EML4: variants seen among roughly 807,000 people sequenced by gnomAD.
EML4 encodes echinoderm microtubule-associated protein-like 4.
EML4 carries 72 observed loss-of-function variants against 129.0 expected under a neutral mutation model. That is an observed-to-expected ratio of 0.56 (90% confidence interval 0.46 to 0.68). EML4 has a LOEUF of 0.68. EML4 is among the 30% of genes least tolerant of loss of function. The pLI is 0.00. For synonymous variants in EML4, 532 were observed against 405.0 expected, an observed-to-expected ratio of 1.31 and a Z score of -3.77; for missense variants, 1,363 against 1,190.6, an observed-to-expected ratio of 1.14 and a Z score of -2.13.
At chr2:42,256,848 TAAAG>T (rs1051834353) in intron 3 of EML4, among the ~76,000 whole-genome samples, 25 of 152,366 alleles carry the variant, frequency 1.6e-4, no homozygotes, top group African/African-American at 6.0e-4. Context: ...CCGTTCTCAC[TAAAG>T]AAAGAAAGCA....
intron 1 of EML4, among the ~76,000 whole-genome samples, chr2:42,215,684 G>A (rs964525619): frequency 1.3e-5 from 2 of 152,054 alleles, no homozygotes; most frequent in African/African-American, 4.8e-5. Context: ...AGTAAGTTGC[G>A]GGTACTCAGA....
intron 19 of EML4, among the ~76,000 whole-genome samples, chr2:42,320,294 GC>G (rs1669453563): frequency 6.6e-6 from 1 of 150,690 alleles, no homozygotes; most frequent in African/African-American, 2.4e-5. Flanking sequence ...TTTGACACCA[GC>G]CTGGGCAATT....
chr2:42,321,213 C>G (rs1229232468), intron 19 of EML4, among the ~76,000 whole-genome samples: 2 of 151,918 alleles, frequency 1.3e-5, no homozygotes, highest in African/African-American at 4.8e-5. Flanking sequence ...GAAACCCCAT[C>G]TCTACTAAAA....
intron 1 of EML4, among the ~76,000 whole-genome samples, chr2:42,218,610 G>A (rs1285417209): frequency 6.6e-6 from 1 of 152,124 alleles, no homozygotes; most frequent in Admixed American, 6.5e-5. Flanking sequence ...AGAGAATACA[G>A]TAGTGGAGGA....
At chr2:42,260,045 T>TA (rs961333338) in intron 3 of EML4, among the ~76,000 whole-genome samples, 1 of 151,206 alleles carries the variant, frequency 6.6e-6, no homozygotes, top group African/African-American at 2.4e-5. Flanking sequence ...TTTTTTTTTT[T>TA]AAAGAGACAG....
At chr2:42,317,115 C>G (rs1395768786) in intron 18 of EML4, among the ~76,000 whole-genome samples, 1 of 152,150 alleles carries the variant, frequency 6.6e-6, no homozygotes, top group African/African-American at 2.4e-5. Flanking sequence ...AACTAAGCCC[C>G]TGTCCACTCA....
At chr2:42,237,138 T>C (rs1472563254) in intron 1 of EML4, among the ~76,000 whole-genome samples, 3 of 152,166 alleles carry the variant, frequency 2.0e-5, no homozygotes, top group Non-Finnish European at 4.4e-5. Context: ...GGATGCCATG[T>C]TGCCCAGGCT....
chr2:42,286,416 C>A (rs1487834420), intron 10 of EML4, 37 bp downstream of exon 10: 3 of 1,256,210 alleles, frequency 2.4e-6, no homozygotes, highest in Admixed American at 1.7e-5. Flanking sequence ...GCAAGCTGAA[C>A]AAAAAAGCAG....
intron 1 of EML4, among the ~76,000 whole-genome samples, chr2:42,184,071 A>C (rs1461776814): frequency 2.0e-5 from 3 of 152,194 alleles, no homozygotes; most frequent in Non-Finnish European, 4.4e-5. Flanking sequence ...TAGCACCTAT[A>C]AGATGGTGTT....
At chr2:42,276,367 G>T (rs187379718) in intron 6 of EML4, among the ~76,000 whole-genome samples, 1 of 152,082 alleles carries the variant, frequency 6.6e-6, no homozygotes, top group African/African-American at 2.4e-5. Flanking sequence ...GCTGAGATGG[G>T]GTATGGGGTA....
At chr2:42,328,064 GACCC>G (rs1332111607) in intron 21 of EML4, among the ~76,000 whole-genome samples, 9 of 152,314 alleles carry the variant, frequency 5.9e-5, no homozygotes, top group African/African-American at 2.2e-4. Flanking sequence ...ATGAAGCAGT[GACCC>G]ATAGCTGGTA....
intron 6 of EML4, among the ~76,000 whole-genome samples, chr2:42,275,806 T>C (rs1558565341): frequency 6.6e-6 from 1 of 152,172 alleles, no homozygotes; most frequent in Non-Finnish European, 1.5e-5. Context: ...TAGCATCAGC[T>C]TCATTATTGA....
At chr2:42,232,911 G>A (rs13032330) in intron 1 of EML4, among the ~76,000 whole-genome samples, 1 of 152,108 alleles carries the variant, frequency 6.6e-6, no homozygotes, top group African/African-American at 2.4e-5. Context: ...TTTTTTAGTA[G>A]AGATGGGGTT....
At chr2:42,299,270 C>T (rs1186126656) in intron 13 of EML4, among the ~76,000 whole-genome samples, 1 of 152,136 alleles carries the variant, frequency 6.6e-6, no homozygotes, top group African/African-American at 2.4e-5. Flanking sequence ...CAAACTGAGA[C>T]ATAATTTTTT....
chr2:42,205,855 G>C (rs1672507194), intron 1 of EML4, among the ~76,000 whole-genome samples: 1 of 152,094 alleles, frequency 6.6e-6, no homozygotes, highest in Admixed American at 6.5e-5. Flanking sequence ...TATGTAGTCA[G>C]TTTCCATTAC....
At chr2:42,224,558 G>A (rs777968204) in intron 1 of EML4, among the ~76,000 whole-genome samples, 13 of 152,062 alleles carry the variant, frequency 8.5e-5, no homozygotes, top group Admixed American at 2.6e-4. Context: ...TTTCTCTTAG[G>A]TGTATACTTT....
chr2:42,209,637 C>A (rs1410799330), intron 1 of EML4, among the ~76,000 whole-genome samples: 1 of 152,076 alleles, frequency 6.6e-6, no homozygotes, highest in Non-Finnish European at 1.5e-5. Context: ...TTTTAAAAAA[C>A]TGATAAGATT....
At chr2:42,181,020 T>G (rs1219431977) in intron 1 of EML4, among the ~76,000 whole-genome samples, 1 of 152,248 alleles carries the variant, frequency 6.6e-6, no homozygotes, top group Non-Finnish European at 1.5e-5. Flanking sequence ...GAAGTGAAGC[T>G]GTGTTTGTCT....
rs186204909 is a variant in EML4 at position 42,234,973 on chromosome 2, G to A, written c.26-10532G>A. Among the ~76,000 whole-genome samples the A allele has an allele frequency of 1.2e-3, 186 of 152,038 alleles. 1 individual carries two copies. The highest frequency in any genetic ancestry group is 0.011 in the South Asian group (55 of 4,804). On this transcript the variant is annotated intron_variant, in intron 1 of 22. Transcript: ENST00000318522. The stretch of plus-strand genomic sequence containing the variant: ...GGAGTTCAAGGCCAGCCTGGCCAAC[G>A]TGGCGAAACCCCATCTCTACTAAAA...
Sources: gnomAD v4.1 joint callset for allele counts (sites outside exome capture counted in the v4.1 genomes callset) on GRCh38, gnomAD v4.1.1 for gene constraint, MANE v1.5 for transcripts, NCBI Gene and HGNC (gene_info 2026-07-23, HGNC 2026-07-21) for gene names.